Variants in PTPRN2 observed in about 807,000 individuals in gnomAD.
PTPRN2 encodes receptor-type tyrosine-protein phosphatase N2.
PTPRN2 carries 74 observed loss-of-function variants against 118.8 expected under a neutral mutation model. The ratio of observed to expected loss-of-function variants is 0.62; its 90% CI spans 0.52 to 0.76. The LOEUF (loss-of-function observed/expected upper bound fraction) is 0.76, where lower values mean the gene tolerates loss of function less well. Ranked by LOEUF, PTPRN2 falls within the 30% of genes least tolerant of loss-of-function variation. The pLI is 0.00. For missense variants in PTPRN2, 1,481 were observed against 1,394.4 expected (o/e 1.06, Z -0.99); for synonymous variants, 641 against 608.0 (o/e 1.05, Z -0.80).
chr7:158,033,125 T>A (rs1347807438), intron 11 of PTPRN2, among the ~76,000 whole-genome samples: 1 of 106,798 alleles, frequency 9.4e-6, no homozygotes, highest in Admixed American at 9.6e-5. Flanking sequence ...ATCTGAAGGA[T>A]GTCAGCCTAA....
At chr7:157,875,581 GTC>G (rs982458885) in intron 12 of PTPRN2, among the ~76,000 whole-genome samples, 5 of 152,336 alleles carry the variant, frequency 3.3e-5, no homozygotes, top group African/African-American at 1.2e-4. Flanking sequence ...CTTCCAAGGT[GTC>G]TCTTTCTCCA....
chr7:158,233,287 TA>T (rs1202461969), intron 3 of PTPRN2, among the ~76,000 whole-genome samples: 7 of 151,950 alleles, frequency 4.6e-5, no homozygotes, highest in Non-Finnish European at 8.8e-5. Flanking sequence ...GCAAACAATC[TA>T]AAAAACAATA....
chr7:157,727,581 T>G (rs552012833), intron 12 of PTPRN2, among the ~76,000 whole-genome samples: 11 of 152,082 alleles, frequency 7.2e-5, no homozygotes, highest in Non-Finnish European at 1.3e-4. Context: ...TTTGGGATGA[T>G]GGAAGGTTCT....
intron 2 of PTPRN2, among the ~76,000 whole-genome samples, chr7:158,343,629 T>C (rs370363437): frequency 3.5e-5 from 5 of 143,312 alleles, no homozygotes; most frequent in African/African-American, 1.1e-4. Context: ...TCGCGACTGC[T>C]CCCGGTGGAA....
chr7:158,490,531 G>T (rs972515612), intron 1 of PTPRN2, among the ~76,000 whole-genome samples: 1 of 152,202 alleles, frequency 6.6e-6, no homozygotes, highest in African/African-American at 2.4e-5. Flanking sequence ...CCACGTCCAC[G>T]CCTGTCTTAA....
intron 20 of PTPRN2, among the ~76,000 whole-genome samples, chr7:157,571,208 A>AG (rs1306372068): frequency 7.9e-5 from 12 of 151,642 alleles, no homozygotes; most frequent in Non-Finnish European, 1.8e-4. Context: ...GAGTTAAAAA[A>AG]AAAAAAAAAA....
chr7:157,720,448 C>T (rs1048319810), intron 12 of PTPRN2, among the ~76,000 whole-genome samples: 1 of 152,242 alleles, frequency 6.6e-6, no homozygotes, highest in African/African-American at 2.4e-5. Context: ...GCCCACAGGA[C>T]AAAGCCTTGT....
At chr7:158,508,300 T>C (rs1158282086) in intron 1 of PTPRN2, among the ~76,000 whole-genome samples, 2 of 152,134 alleles carry the variant, frequency 1.3e-5, no homozygotes, top group Non-Finnish European at 2.9e-5. Context: ...GGACTATGAA[T>C]TGAACCAGTC....
chr7:157,914,061 G>T (rs1232913717), intron 11 of PTPRN2, among the ~76,000 whole-genome samples: 1 of 152,140 alleles, frequency 6.6e-6, no homozygotes, highest in African/African-American at 2.4e-5. Flanking sequence ...GCCATAAATT[G>T]TTCATGATGA....
At chr7:158,408,926 A>G (rs1243393776) in intron 2 of PTPRN2, among the ~76,000 whole-genome samples, 1 of 152,046 alleles carries the variant, frequency 6.6e-6, no homozygotes, top group Non-Finnish European at 1.5e-5. Context: ...TACCACAAAC[A>G]TGACTTAAAC....
At chr7:157,661,228 T>C (rs1038279619) in intron 13 of PTPRN2, among the ~76,000 whole-genome samples, 1 of 152,272 alleles carries the variant, frequency 6.6e-6, no homozygotes, top group Non-Finnish European at 1.5e-5. Context: ...CAGGGTCTTC[T>C]TGAAGGTCTT....
At chr7:157,612,446 G>T (rs1293659074) in intron 15 of PTPRN2, among the ~76,000 whole-genome samples, 2 of 152,218 alleles carry the variant, frequency 1.3e-5, no homozygotes, top group African/African-American at 4.8e-5. Flanking sequence ...CGCCTCCAAG[G>T]AGCTGAAACT....
At chr7:157,800,488 G>A (rs142094982) in intron 12 of PTPRN2, among the ~76,000 whole-genome samples, 1,584 of 152,218 alleles carry the variant, frequency 0.01, 16 homozygotes, top group Non-Finnish European at 0.015. Flanking sequence ...CCAAAGACTC[G>A]GCATCCATGT....
chr7:157,588,387 G>A (rs1800796513), intron 17 of PTPRN2, among the ~76,000 whole-genome samples: 3 of 152,306 alleles, frequency 2.0e-5, no homozygotes, highest in Non-Finnish European at 1.5e-5. Flanking sequence ...CGATGCCCGC[G>A]GCCCCTCCCC....
chr7:158,286,714 G>A (rs909391148), intron 3 of PTPRN2, among the ~76,000 whole-genome samples: 1 of 152,164 alleles, frequency 6.6e-6, no homozygotes, highest in Non-Finnish European at 1.5e-5. Flanking sequence ...GTTGATCGTG[G>A]TGAATGATCC....
At chr7:157,997,035 C>T (rs1398028375) in intron 11 of PTPRN2, among the ~76,000 whole-genome samples, 1 of 152,240 alleles carries the variant, frequency 6.6e-6, no homozygotes, top group East Asian at 1.9e-4. Flanking sequence ...AGCAGTCCCA[C>T]AGTGCAATGA....
chr7:157,905,066 G>A (rs754128714), intron 11 of PTPRN2, among the ~76,000 whole-genome samples: 1 of 152,180 alleles, frequency 6.6e-6, no homozygotes, highest in African/African-American at 2.4e-5. Flanking sequence ...ATTGTGACAG[G>A]TGCTGAGCTC....
intron 12 of PTPRN2, among the ~76,000 whole-genome samples, chr7:157,892,607 G>A (rs1209892459): frequency 6.6e-6 from 1 of 152,070 alleles, no homozygotes; most frequent in Non-Finnish European, 1.5e-5. Context: ...ATCAAACTCT[G>A]CTTTATATTC....
intron 3 of PTPRN2, among the ~76,000 whole-genome samples, chr7:158,211,852 C>A (rs1827626974): frequency 6.6e-6 from 1 of 152,164 alleles, no homozygotes; most frequent in Non-Finnish European, 1.5e-5. Context: ...TATAATCCAG[C>A]AATCCCACTG....
Sources: allele counts gnomAD v4.1 joint callset (sites outside exome capture counted in the v4.1 genomes callset), GRCh38; gene constraint gnomAD v4.1.1; transcripts MANE v1.5; gene names NCBI Gene and HGNC (gene_info 2026-07-23, HGNC 2026-07-21).